ZFYVE28: variants seen among roughly 807,000 people sequenced by gnomAD.
ZFYVE28 encodes lateral signaling target protein 2 homolog.
ZFYVE28 carries 40 observed loss-of-function variants against 82.1 expected under a neutral mutation model. The observed-to-expected ratio is 0.49, with a 90% confidence interval of 0.38 to 0.63. The LOEUF is 0.63. ZFYVE28 is among the 30% of genes least tolerant of loss of function. The pLI, the probability that ZFYVE28 is intolerant of heterozygous loss-of-function variation, is 0.00. For synonymous variants in ZFYVE28, 612 were observed against 546.1 expected, an observed-to-expected ratio of 1.12 and a Z score of -1.68; for missense variants, 1,321 against 1,242.1, an observed-to-expected ratio of 1.06 and a Z score of -0.96.
chr4:2,304,101 G>C (rs1716087209), intron 8 of ZFYVE28, among the ~76,000 whole-genome samples, 188 bp downstream of exon 8: 1 of 152,240 alleles, frequency 6.6e-6, no homozygotes, highest in Non-Finnish European at 1.5e-5. Flanking sequence ...CACAGGGCAG[G>C]TGCCTCTGCA....
chr4:2,362,129 G>A lies in ZFYVE28; in HGVS notation c.40-8056C>T, dbSNP rs916095252. ...ACCCCTACAGCCCCCACACTCAGCC[G>A]TGGAGACCCAGGTGTGTTTGCCTCC... is the stretch of plus-strand genomic sequence containing the variant. On this transcript the variant is annotated intron_variant, in intron 1 of 12. Coordinates refer to ENST00000290974, the MANE Select transcript of ZFYVE28 (RefSeq NM_020972.3). This position sits in a 1 kb window ranked among gnomAD's most constrained non-coding sequence, Gnocchi z 5.1. 4.6e-5 allele frequency among the ~76,000 whole-genome samples: 7 copies of A among 152,112 alleles called. No homozygotes were observed. The highest frequency in any genetic ancestry group is 8.8e-5 in the Non-Finnish European group (6 of 68,012).
At chr4:2,330,339 G>T (rs1720469862) in intron 6 of ZFYVE28, 2 of 991,102 alleles carry the variant, frequency 2.0e-6, no homozygotes, top group Non-Finnish European at 2.4e-6. Flanking sequence ...GAGGGCTTGG[G>T]TGAGCGGTGC....
In ZFYVE28 at chr4:2,335,613, G is replaced by A. The variant is rs558293816; in HGVS notation, c.701+92C>T. On this transcript the variant is annotated intron_variant, in intron 6 of 12. Transcript: ENST00000290974. This position sits in a 1 kb window ranked among gnomAD's most constrained non-coding sequence, Gnocchi z 5.8. Reference sequence around the variant, plus strand: ...TGAGCGGCCACCGTGAGGTGGAGACGCCATGGACCGGCACCCGCACGGGAC... The same window carrying A: ...TGAGCGGCCACCGTGAGGTGGAGACACCATGGACCGGCACCCGCACGGGAC... 2.0e-5 allele frequency: 25 copies of A among 1,237,000 alleles called. No individual in the cohort carries two copies. Among genetic ancestry groups the A allele is most frequent in the East Asian group, 1.3e-4 (5 of 39,342 alleles). 76.6% of individuals were successfully genotyped at this position (1,237,000 alleles called of 1,614,324 possible).
intron 7 of ZFYVE28, among the ~76,000 whole-genome samples, chr4:2,306,530 T>C (rs187890220): frequency 7.9e-5 from 12 of 152,288 alleles, no homozygotes; most frequent in Non-Finnish European, 1.8e-4. Flanking sequence ...CTACACTCTC[T>C]TGTGGCAGGA....
chr4:2,400,680 T>C (rs1231430919), intron 1 of ZFYVE28, among the ~76,000 whole-genome samples: 5 of 152,154 alleles, frequency 3.3e-5, no homozygotes, highest in African/African-American at 7.2e-5. Context: ...TGGAGGCCGA[T>C]GTTCCAGGGC....
chr4:2,338,833 T>C (rs530797721), intron 4 of ZFYVE28, among the ~76,000 whole-genome samples: 6 of 152,204 alleles, frequency 3.9e-5, no homozygotes, highest in African/African-American at 7.2e-5. Context: ...GTTGTGGTTG[T>C]TGTTGTTTTG....
At chr4:2,365,344 G>A (rs975055029) in intron 1 of ZFYVE28, among the ~76,000 whole-genome samples, 2 of 151,500 alleles carry the variant, frequency 1.3e-5, no homozygotes, top group African/African-American at 4.8e-5. Context: ...CTCTGGGCCC[G>A]CACGTGCACT....
intron 2 of ZFYVE28, among the ~76,000 whole-genome samples, chr4:2,349,700 T>C (rs1578201809): frequency 6.6e-6 from 1 of 151,842 alleles, no homozygotes; most frequent in South Asian, 2.1e-4. Flanking sequence ...ATGGAGTGGA[T>C]ACTAATAAAA....
intron 1 of ZFYVE28, among the ~76,000 whole-genome samples, chr4:2,400,347 T>A (rs970145549): frequency 6.6e-6 from 1 of 152,120 alleles, no homozygotes; most frequent in Non-Finnish European, 1.5e-5. Flanking sequence ...AGTGACGCCC[T>A]TAAGTTAACT....
intron 1 of ZFYVE28, among the ~76,000 whole-genome samples, chr4:2,378,067 C>A (rs114651897): frequency 4.4e-4 from 67 of 152,328 alleles, no homozygotes; most frequent in African/African-American, 1.6e-3. Context: ...AGGCTGGGCG[C>A]GGTGGCTCAC....
intron 7 of ZFYVE28, among the ~76,000 whole-genome samples, chr4:2,319,887 GAC>G (rs1020492590): frequency 9.2e-5 from 14 of 152,216 alleles, no homozygotes; most frequent in African/African-American, 3.1e-4. Context: ...GGGACAGCAG[GAC>G]ACTTAGCTGT....
rs1229720276 is a variant in ZFYVE28, at chr4:2,269,947, G to C, written c.*778C>G. The C allele has an allele frequency of 6.6e-6, 1 of 152,364 alleles. No homozygotes were observed. Among genetic ancestry groups the C allele is most frequent in the Non-Finnish European group, 1.5e-5 (1 of 68,158 alleles). The allele number at this position is 152,364 out of a possible 1,614,324, so 9.4% of individuals were successfully genotyped here. The stretch of plus-strand genomic sequence containing the variant: ...CCAGAGGGTGCAGAGGGAAGGGGAA[G>C]TGGTAGCTGAGCTGGTGGCCCCGGG... On this transcript the variant is annotated 3_prime_UTR_variant, in exon 13 of 13. Coordinates refer to ENST00000290974, the MANE Select transcript of ZFYVE28 (RefSeq NM_020972.3).
Position 2,271,427 on chromosome 4 carries a change from C to CA in ZFYVE28, c.2429-14dup. The CA allele has an allele frequency of 6.2e-7, 1 of 1,611,218 alleles. No homozygotes were observed. Among genetic ancestry groups the CA allele is most frequent in the African/African-American group, 1.3e-5 (1 of 75,034 alleles). ...CACTCCGGGGGGTCTGTCACAACAA[C>CA]AGCAGCGTCACATCAGCGACGGCAG... On this transcript the variant is annotated splice_polypyrimidine_tract_variant and intron_variant, in intron 11 of 12. Coordinates refer to ENST00000290974, the MANE Select transcript of ZFYVE28 (RefSeq NM_020972.3).
intron 1 of ZFYVE28, chr4:2,364,418 C>T (rs2108897038): frequency 1.0e-6 from 1 of 984,776 alleles, no homozygotes; most frequent in Non-Finnish European, 1.2e-6. Flanking sequence ...CCTCTCCAAG[C>T]CCTTCAAAGC....
At position 2,335,846 on chromosome 4, in the gene ZFYVE28, A is replaced by G; in HGVS notation, c.612-52T>C. 1 of 1,476,288 alleles carries G rather than the reference A, an allele frequency of 6.8e-7. No homozygotes were observed. Among genetic ancestry groups the G allele is most frequent in the South Asian group, 1.2e-5 (1 of 82,522 alleles). 91.4% of individuals were successfully genotyped at this position (1,476,288 alleles called of 1,614,324 possible). On this transcript the variant is annotated intron_variant, in intron 5 of 12. Coordinates refer to ENST00000290974, the MANE Select transcript of ZFYVE28 (RefSeq NM_020972.3). This position sits in a 1 kb window ranked among gnomAD's most constrained non-coding sequence, Gnocchi z 5.8. ...GCATGAGGGCTGGCCCACCACAGCC[A>G]CAGGTTGGACCCCAGCAGGGACAGG...
chr4:2,314,413 T>C (rs1009347387), intron 7 of ZFYVE28, among the ~76,000 whole-genome samples: 2 of 152,322 alleles, frequency 1.3e-5, no homozygotes, highest in South Asian at 2.1e-4. Context: ...ACTGATGTGG[T>C]TGGGTTTGTA....
Position 2,304,857 on chromosome 4 carries a change from C to T in ZFYVE28, c.1483G>A (p.Ala495Thr), listed in dbSNP as rs1304731936. The change falls in exon 8 of 13, where the codon GCG becomes ACG. Residue 495 changes from alanine (A) to threonine (T), a missense_variant. Physicochemically the swap from Ala to Thr is moderately conservative, Grantham distance 58 (BLOSUM62 0). Around this residue, in one of 2 missense-constraint regions of ZFYVE28, gnomAD observed 978 missense variants for 833.7 expected, o/e 1.17. Transcript: ENST00000290974. Reference protein sequence around the residue: ...RLHLDGWEVGADDAETAEMIA... With the variant: ...RLHLDGWEVGTDDAETAEMIA... ...ATCTCAGCCGTCTCTGCGTCATCCGCACCCACCTCCCAGCCGTCCAGGTGC... is the reference window on the plus strand; with the variant it reads ...ATCTCAGCCGTCTCTGCGTCATCCGTACCCACCTCCCAGCCGTCCAGGTGC... The T allele has an allele frequency of 2.5e-6, 4 of 1,612,550 alleles. No individual in the cohort carries two copies. Among genetic ancestry groups the T allele is most frequent in the Non-Finnish European group, 2.5e-6 (3 of 1,179,870 alleles).
Position 2,305,378 on chromosome 4 carries a change from GA to G in ZFYVE28, c.961del (p.Ser321GlnfsTer138). 1 of 1,612,776 alleles carries G rather than the reference GA, an allele frequency of 6.2e-7. No individual in the cohort carries two copies. The highest frequency in any genetic ancestry group is 8.5e-7 in the Non-Finnish European group (1 of 1,179,800). Reference protein sequence around the residue: ...SAPLPPEGPLSAKAKDPDAEL... With the variant: ...SAPLPPEGPLXAKAKDPDAEL... ...TGCATCCGGGTCTTTGGCCTTAGCT[GA>G]GAGTGGCCCCTCAGGGGGGAGAGGG... On this transcript the variant is annotated frameshift_variant, in exon 8 of 13. Coordinates refer to ENST00000290974, the MANE Select transcript of ZFYVE28 (RefSeq NM_020972.3). LOFTEE classifies it high-confidence loss of function.
intron 7 of ZFYVE28, among the ~76,000 whole-genome samples, chr4:2,306,553 T>C (rs577301209): frequency 6.6e-6 from 1 of 152,376 alleles, no homozygotes; most frequent in South Asian, 2.1e-4. Flanking sequence ...TGTTTGCTGA[T>C]GTTATATTTG....
Sources: allele counts gnomAD v4.1 joint callset (sites outside exome capture counted in the v4.1 genomes callset), GRCh38; gene constraint gnomAD v4.1.1; regional missense constraint gnomAD v4.1.1; non-coding constraint Gnocchi (gnomAD v3.1); transcripts MANE v1.5; gene names NCBI Gene and HGNC (gene_info 2026-07-23, HGNC 2026-07-21).